PPP1R12A: variants seen among roughly 807,000 people sequenced by gnomAD.
The protein encoded by PPP1R12A is myosin binding subunit.
A neutral mutation model predicts 139.6 loss-of-function variants in PPP1R12A; 19 were observed. The observed-to-expected ratio is 0.14, with a 90% CI of 0.09 to 0.20. The LOEUF (loss-of-function observed/expected upper bound fraction) is 0.20. PPP1R12A is among the 10% of genes least tolerant of loss of function. The pLI is 1.00. For synonymous variants in PPP1R12A, 427 were observed against 420.6 expected (o/e 1.02, Z -0.19); for missense variants, 925 against 1,211.5 (o/e 0.76, Z 3.51).
intron 4 of PPP1R12A, among the ~76,000 whole-genome samples, chr12:79,831,417 T>C (rs1396983257): frequency 6.6e-6 from 1 of 152,098 alleles, no homozygotes; most frequent in Non-Finnish European, 1.5e-5. Context: ...ACCTTGTCTC[T>C]ACAAAAAATA....
chr12:79,786,639 C>T (rs1871169614), intron 21 of PPP1R12A, 161 bp from the exon 22 acceptor site: 10 of 485,522 alleles, frequency 2.1e-5, no homozygotes, highest in East Asian at 7.3e-5. Context: ...AGAGACTGTT[C>T]GTTATGCAAG....
intron 2 of PPP1R12A, among the ~76,000 whole-genome samples, chr12:79,857,162 G>C (rs189091173): frequency 6.6e-6 from 1 of 152,198 alleles, no homozygotes; most frequent in African/African-American, 2.4e-5. Context: ...ATTCACAATA[G>C]CAAAGGCTTG....
At chr12:79,789,969 G>A (rs1273021876) in intron 20 of PPP1R12A, among the ~76,000 whole-genome samples, 1 of 146,032 alleles carries the variant, frequency 6.8e-6, no homozygotes, top group Admixed American at 6.8e-5. Flanking sequence ...TTTTTTTTTT[G>A]GTAGAGATGG....
At chr12:79,846,808 T>C (rs1167411899) in intron 2 of PPP1R12A, among the ~76,000 whole-genome samples, 1 of 152,082 alleles carries the variant, frequency 6.6e-6, no homozygotes, top group Non-Finnish European at 1.5e-5. Flanking sequence ...CAGCCCTCAC[T>C]GATCTGGCCT....
intron 1 of PPP1R12A, among the ~76,000 whole-genome samples, chr12:79,898,312 C>T (rs1885316171): frequency 6.6e-6 from 1 of 152,032 alleles, no homozygotes; most frequent in African/African-American, 2.4e-5. Context: ...AAAAATTAGC[C>T]AGGTGTGGCG....
chr12:79,840,419 T>A (rs11114256), intron 3 of PPP1R12A, among the ~76,000 whole-genome samples: 6,171 of 152,262 alleles, frequency 0.041, 436 homozygotes, highest in East Asian at 0.29. Context: ...TCTCCTAGAT[T>A]TACTTTTCAC....
chr12:79,820,000 A>G (rs1410292473), intron 8 of PPP1R12A, among the ~76,000 whole-genome samples: 1 of 152,048 alleles, frequency 6.6e-6, no homozygotes. Context: ...ATAACTTTTG[A>G]GTGAAAAAAG....
At chr12:79,783,479 AT>A (rs1870737403) in intron 22 of PPP1R12A, among the ~76,000 whole-genome samples, 1 of 152,078 alleles carries the variant, frequency 6.6e-6, no homozygotes, top group South Asian at 2.1e-4. Flanking sequence ...ATTAAAAAAA[AT>A]AATAATTCAA....
At chr12:79,807,177 T>C in intron 12 of PPP1R12A, 49 bp downstream of exon 12, 1 of 1,087,092 alleles carries the variant, frequency 9.2e-7, no homozygotes, top group Non-Finnish European at 1.3e-6. Flanking sequence ...AATTGCCTCA[T>C]ATTTTTATAA....
At chr12:79,825,864 A>G (rs1876694261) in intron 5 of PPP1R12A, among the ~76,000 whole-genome samples, 1 of 152,010 alleles carries the variant, frequency 6.6e-6, no homozygotes, top group Non-Finnish European at 1.5e-5. Flanking sequence ...CAATAAAAAC[A>G]GTCTAATTCA....
intron 22 of PPP1R12A, among the ~76,000 whole-genome samples, chr12:79,783,748 T>A (rs893461072): frequency 2.0e-5 from 3 of 152,150 alleles, no homozygotes; most frequent in African/African-American, 7.2e-5. Context: ...TTTTTTCATA[T>A]GGGAAGATTT....
intron 3 of PPP1R12A, among the ~76,000 whole-genome samples, chr12:79,839,021 G>T (rs1311195621): frequency 6.6e-6 from 1 of 152,230 alleles, no homozygotes. Flanking sequence ...ACTGGCCCAT[G>T]AAAGAAGCCA....
intron 1 of PPP1R12A, among the ~76,000 whole-genome samples, chr12:79,877,086 A>C (rs1883180300): frequency 6.6e-6 from 1 of 152,168 alleles, no homozygotes; most frequent in Non-Finnish European, 1.5e-5. Context: ...CTCTGCCACA[A>C]ATTTTGTGGC....
intron 22 of PPP1R12A, chr12:79,782,333 A>G (rs1219121896): frequency 8.8e-6 from 2 of 226,346 alleles, no homozygotes; most frequent in East Asian, 2.3e-4. Flanking sequence ...CTTCTCCCAC[A>G]GCTATCTTGG....
At chr12:79,861,785 G>T (rs534427968) in intron 2 of PPP1R12A, among the ~76,000 whole-genome samples, 1 of 152,276 alleles carries the variant, frequency 6.6e-6, no homozygotes, top group South Asian at 2.1e-4. Context: ...TTGAGTAGGT[G>T]GTTCTAGGCT....
intron 2 of PPP1R12A, among the ~76,000 whole-genome samples, chr12:79,867,304 C>T (rs1361137747): frequency 6.6e-6 from 1 of 152,030 alleles, no homozygotes; most frequent in African/African-American, 2.4e-5. Flanking sequence ...GAACATCACA[C>T]ACCAGGGTCT....
At chr12:79,838,905 C>T (rs1592694387) in intron 3 of PPP1R12A, among the ~76,000 whole-genome samples, 1 of 152,216 alleles carries the variant, frequency 6.6e-6, no homozygotes, top group Non-Finnish European at 1.5e-5. Flanking sequence ...CACTGGGGTA[C>T]TGCCTAGCGC....
At position 79,781,870 on chromosome 12, in the gene PPP1R12A, AAAGT is replaced by A. The variant is rs1270140983; in HGVS notation, c.2908-12_2908-9del. On this transcript the variant is annotated splice_polypyrimidine_tract_variant and intron_variant, in intron 22 of 24. Transcript: ENST00000450142. ...AGCAAATCTTTCTTGTCTCTGCAAC[AAAGT>A]AAGAAATTATAAAAGAGATAAGTGC... 54 of 1,530,586 alleles carry A rather than the reference AAAGT, an allele frequency of 3.5e-5. No individual in the cohort carries two copies. Among genetic ancestry groups the A allele is most frequent in the Non-Finnish European group, 4.5e-5 (51 of 1,132,650 alleles). 94.8% of individuals were successfully genotyped at this position (1,530,586 alleles called of 1,614,324 possible). A position where few individuals can be genotyped will look rare whatever the true frequency, so the allele number is the denominator to read the frequency against.
At position 79,796,743 on chromosome 12, in the gene PPP1R12A, T is replaced by C. The variant is rs751292136; in HGVS notation, c.2461+39A>G. On this transcript the variant is annotated intron_variant, in intron 17 of 24. Coordinates refer to ENST00000450142, the MANE Select transcript of PPP1R12A (RefSeq NM_002480.3). Reference sequence around the variant, plus strand: ...GGAAACCCTAATCCAAAGGATTATATGAAGAAAGCAAAGTGTTTTCAAAAT... The same window carrying C: ...GGAAACCCTAATCCAAAGGATTATACGAAGAAAGCAAAGTGTTTTCAAAAT... The C allele has an allele frequency of 2.7e-5, 40 of 1,498,668 alleles. No homozygotes were observed. In the South Asian group the frequency reaches 4.2e-4, roughly 16 times the overall value. The allele number at this position is 1,498,668 out of a possible 1,614,324, so 92.8% of individuals were successfully genotyped here.
Sources: allele counts gnomAD v4.1 joint callset (sites outside exome capture counted in the v4.1 genomes callset), GRCh38; gene constraint gnomAD v4.1.1; transcripts MANE v1.5; gene names NCBI Gene and HGNC (gene_info 2026-07-23, HGNC 2026-07-21).